CACNA1D: variants seen among roughly 807,000 people sequenced by gnomAD.
CACNA1D encodes voltage-dependent L-type calcium channel subunit alpha-1D.
CACNA1D carries 55 observed loss-of-function variants against 257.1 expected under a neutral mutation model. The ratio of observed to expected loss-of-function variants is 0.21; its 90% CI spans 0.17 to 0.27. The LOEUF is 0.27. Among genes scored for constraint, CACNA1D ranks in the 10% least tolerant of loss-of-function variants. CACNA1D has a pLI of 1.00. For synonymous variants in CACNA1D, 980 were observed against 1,014.9 expected (o/e 0.97, Z 0.65); for missense variants, 1,876 against 2,784.0 (o/e 0.67, Z 7.34).
At chr3:53,732,131 A>C (rs765670412) in intron 18 of CACNA1D, 49 bp downstream of exon 18, 2 of 1,415,708 alleles carry the variant, frequency 1.4e-6, no homozygotes, top group Non-Finnish European at 2.0e-6. Context: ...TGTCTTTGCT[A>C]CTGCTCTGTG....
chr3:53,607,960 A>G (rs2093534217), intron 3 of CACNA1D, among the ~76,000 whole-genome samples: 1 of 152,222 alleles, frequency 6.6e-6, no homozygotes, highest in African/African-American at 2.4e-5. Context: ...CAGGTAGTAT[A>G]AGTTCTCCAG....
At chr3:53,611,533 G>A (rs1362285527) in intron 3 of CACNA1D, among the ~76,000 whole-genome samples, 1 of 152,046 alleles carries the variant, frequency 6.6e-6, no homozygotes, top group East Asian at 1.9e-4. Flanking sequence ...TTCACCTCTG[G>A]ATTTATTGAG....
rs1559591087 is a variant in CACNA1D at position 53,732,874 on chromosome 3, C to G, written c.2533C>G (p.Pro845Ala). Reference protein sequence around the residue: ...DEPEVPAGPRPRRISELNMKE... With the variant: ...DEPEVPAGPRARRISELNMKE... ...ACCTGAGGTTCCTGCCGGACCCCGT[C>G]CTCGAAGGATCTCGGAGTTGAACAT... Residue 845 changes from proline (P) to alanine (A), a missense_variant, in exon 19 of 48, where the codon CCT becomes GCT. Pro to Ala is a conservative substitution (Grantham distance 27). This residue lies in a region of CACNA1D where 271 missense variants were observed against 425.5 expected (regional missense o/e 0.64). Coordinates refer to ENST00000350061, the MANE Select transcript of CACNA1D (RefSeq NM_001128840.3). 1.9e-6 allele frequency: 3 copies of G among 1,613,830 alleles called. No individual in the cohort carries two copies. Among genetic ancestry groups the G allele is most frequent in the Non-Finnish European group, 2.5e-6 (3 of 1,179,756 alleles).
At chr3:53,778,101 T>G (rs569850606) in intron 37 of CACNA1D, among the ~76,000 whole-genome samples, 1 of 152,164 alleles carries the variant, frequency 6.6e-6, no homozygotes, top group Non-Finnish European at 1.5e-5. Flanking sequence ...GCCAGACTCA[T>G]GTTCCCTGCC....
chr3:53,561,604 A>G (rs2092740789), intron 3 of CACNA1D, among the ~76,000 whole-genome samples: 1 of 152,216 alleles, frequency 6.6e-6, no homozygotes, highest in Non-Finnish European at 1.5e-5. Context: ...TGTAGCTGTC[A>G]AGGAAAATAG....
chr3:53,732,635 C>T (rs1401356220), intron 18 of CACNA1D, among the ~76,000 whole-genome samples, 180 bp from the exon 19 acceptor site: 2 of 152,134 alleles, frequency 1.3e-5, no homozygotes, highest in Admixed American at 6.5e-5. Context: ...CACTTCTCAG[C>T]ACCCCCCACC....
chr3:53,616,419 T>G (rs144848610), intron 3 of CACNA1D, among the ~76,000 whole-genome samples: 3 of 152,312 alleles, frequency 2.0e-5, no homozygotes, highest in African/African-American at 7.2e-5. Flanking sequence ...GTCTGTGTCT[T>G]CCTGTCCCCT....
At chr3:53,593,826 G>A (rs934412371) in intron 3 of CACNA1D, among the ~76,000 whole-genome samples, 5 of 152,166 alleles carry the variant, frequency 3.3e-5, no homozygotes, top group Non-Finnish European at 5.9e-5. Flanking sequence ...CTGCTACAGG[G>A]CTGGGAAATG....
chr3:53,711,895 G>A (rs2108643491), intron 9 of CACNA1D, among the ~76,000 whole-genome samples: 1 of 152,332 alleles, frequency 6.6e-6, no homozygotes, highest in African/African-American at 2.4e-5. Context: ...TGAGTTAGGG[G>A]CAGAGTTGGG....
At chr3:53,500,553 G>T (rs80320456) in intron 2 of CACNA1D, among the ~76,000 whole-genome samples, 1 of 152,200 alleles carries the variant, frequency 6.6e-6, no homozygotes, top group Non-Finnish European at 1.5e-5. Flanking sequence ...GTATGCTCCA[G>T]TTTTAAGTAC....
At chr3:53,755,442 C>T (rs566899099) in intron 29 of CACNA1D, among the ~76,000 whole-genome samples, 11 of 152,210 alleles carry the variant, frequency 7.2e-5, no homozygotes, top group Admixed American at 5.9e-4. Context: ...TGACAGTTGC[C>T]CAGAAGATCT....
At position 53,559,313 on chromosome 3, in the gene CACNA1D, A is replaced by G. The variant is rs751951150; in HGVS notation, c.483+57593A>G. Among the ~76,000 whole-genome samples, 6 of 152,258 alleles carry G rather than the reference A, an allele frequency of 3.9e-5. No individual in the cohort carries two copies. In the South Asian group the frequency reaches 8.3e-4, roughly 21 times the overall value. ...TATTTGTTTGATAATTCTGGTATCTATGCTATCTTGGGGTTGGTGTCTTTT... is the reference window on the plus strand; with the variant it reads ...TATTTGTTTGATAATTCTGGTATCTGTGCTATCTTGGGGTTGGTGTCTTTT... On this transcript the variant is annotated intron_variant, in intron 3 of 47. Transcript: ENST00000350061.
intron 3 of CACNA1D, among the ~76,000 whole-genome samples, chr3:53,548,371 TAAAA>T (rs869046550): frequency 2.2e-5 from 3 of 138,102 alleles, no homozygotes; most frequent in Non-Finnish European, 3.1e-5. Flanking sequence ...TTTTTTTTTT[TAAAA>T]ATTATCTTTA....
intron 3 of CACNA1D, among the ~76,000 whole-genome samples, chr3:53,569,345 C>G (rs1156415975): frequency 1.3e-5 from 2 of 152,242 alleles, no homozygotes; most frequent in African/African-American, 4.8e-5. Flanking sequence ...GTGCTTACCA[C>G]TGCTCACTGG....
At chr3:53,650,273 GCTGA>G (rs1392068606) in intron 3 of CACNA1D, among the ~76,000 whole-genome samples, 1 of 152,194 alleles carries the variant, frequency 6.6e-6, no homozygotes, top group Non-Finnish European at 1.5e-5. Flanking sequence ...CAGTGACAAA[GCTGA>G]CTGTGACTTC....
intron 3 of CACNA1D, among the ~76,000 whole-genome samples, chr3:53,619,883 G>GA (rs2093677264): frequency 6.6e-6 from 1 of 152,176 alleles, no homozygotes; most frequent in Non-Finnish European, 1.5e-5. Flanking sequence ...AATAGTTATT[G>GA]AATGTCCGCT....
chr3:53,565,489 A>G (rs2092818093), intron 3 of CACNA1D, among the ~76,000 whole-genome samples: 1 of 152,210 alleles, frequency 6.6e-6, no homozygotes, highest in Non-Finnish European at 1.5e-5. Context: ...AAAATCTCAA[A>G]CACACATGAT....
intron 3 of CACNA1D, among the ~76,000 whole-genome samples, chr3:53,599,800 G>A (rs1341823317): frequency 1.3e-5 from 2 of 152,096 alleles, no homozygotes; most frequent in South Asian, 2.1e-4. Context: ...CTCCACCCAC[G>A]GCTTTCTAGC....
In CACNA1D at chr3:53,801,151, C is replaced by T; in HGVS notation, c.5134C>T (p.His1712Tyr). 1 of 1,613,970 alleles carries T rather than the reference C, an allele frequency of 6.2e-7. No individual in the cohort carries two copies. The highest frequency in any genetic ancestry group is 8.5e-7 in the Non-Finnish European group (1 of 1,179,866). The change falls in exon 42 of 48, where the codon CAT becomes TAT. Residue 1712 changes from histidine (H) to tyrosine (Y), a missense_variant. Transcript: ENST00000350061. ...QQTNTTHRPL[H>Y]VQRPSIPPAS... ...GACCAATACCACCCACCGTCCCCTGCATGTCCAAAGGCCTTCAATTCCACC... is the reference window on the plus strand; with the variant it reads ...GACCAATACCACCCACCGTCCCCTGTATGTCCAAAGGCCTTCAATTCCACC...
Sources: allele counts gnomAD v4.1 joint callset (sites outside exome capture counted in the v4.1 genomes callset), GRCh38; gene constraint gnomAD v4.1.1; regional missense constraint gnomAD v4.1.1; transcripts MANE v1.5; gene names NCBI Gene and HGNC (gene_info 2026-07-23, HGNC 2026-07-21).